Variants in ZXDC observed in about 807,000 individuals in gnomAD.
ZXDC encodes the protein zinc finger protein ZXDC.
A neutral mutation model predicts 63.6 loss-of-function variants in ZXDC; 58 were observed. That is an observed-to-expected ratio of 0.91 (90% CI 0.74 to 1.13). The LOEUF (loss-of-function observed/expected upper bound fraction) is 1.13, where lower values mean the gene tolerates loss of function less well. Among genes scored for constraint, ZXDC ranks in the 50% most tolerant of loss-of-function variants. ZXDC has a pLI of 0.00. For synonymous variants in ZXDC, 561 were observed against 496.1 expected, an observed-to-expected ratio of 1.13 and a Z score of -1.74; for missense variants, 1,133 against 1,148.9, an observed-to-expected ratio of 0.99 and a Z score of 0.20.
At chr3:126,448,919 C>G (rs2107634366) in intron 7 of ZXDC, among the ~76,000 whole-genome samples, 1 of 152,368 alleles carries the variant, frequency 6.6e-6, no homozygotes, top group African/African-American at 2.4e-5. Flanking sequence ...AGTCAGACAG[C>G]AACGGCCAGC....
intron 6 of ZXDC, chr3:126,460,808 TG>T (rs1050512718): frequency 1.0e-6 from 1 of 984,436 alleles, no homozygotes. Context: ...CTGCAAAAGA[TG>T]TAACATTTTT....
chr3:126,444,334 C>T (rs1377218141), intron 7 of ZXDC, among the ~76,000 whole-genome samples: 3 of 152,170 alleles, frequency 2.0e-5, no homozygotes, highest in African/African-American at 4.8e-5. Context: ...AGATCGAGAC[C>T]ATCCTGGCTA....
intron 1 of ZXDC, among the ~76,000 whole-genome samples, chr3:126,472,722 G>A (rs993710694): frequency 6.6e-6 from 1 of 152,180 alleles, no homozygotes; most frequent in Non-Finnish European, 1.5e-5. Flanking sequence ...CTACTAGCCA[G>A]GATTTTTCAC....
intron 7 of ZXDC, chr3:126,453,916 T>A: frequency 1.0e-6 from 1 of 985,028 alleles, no homozygotes; most frequent in Non-Finnish European, 1.2e-6. Context: ...GTTTTCCAAG[T>A]AATTTTTACT....
At chr3:126,447,579 G>C (rs557773178) in intron 7 of ZXDC, among the ~76,000 whole-genome samples, 1 of 152,032 alleles carries the variant, frequency 6.6e-6, no homozygotes, top group South Asian at 2.1e-4. Flanking sequence ...AATAGATTGC[G>C]CCAATGGTTT....
chr3:126,475,142 C>G lies in ZXDC; in HGVS notation c.724G>C (p.Val242Leu). 1 of 1,609,232 alleles carries G rather than the reference C, an allele frequency of 6.2e-7. No individual in the cohort carries two copies. The highest frequency in any genetic ancestry group is 8.5e-7 in the Non-Finnish European group (1 of 1,177,852). The change falls in exon 1 of 10, where the codon GTG becomes CTG. Residue 242 changes from valine (V) to leucine (L), a missense_variant. Transcript: ENST00000389709. ...GTGAACTTCTTGCCACAGCCGCCCA[C>G]TGGACAGCCGAAGGGCCGCAGCTTG... Reference protein sequence around the residue: ...HDKLRPFGCPVGGCGKKFTTV... With the variant: ...HDKLRPFGCPLGGCGKKFTTV...
At chr3:126,442,468 A>T (rs1159001104) in intron 7 of ZXDC, 1 of 152,216 alleles carries the variant, frequency 6.6e-6, no homozygotes, top group African/African-American at 2.4e-5. Context: ...AAAAAGAAAA[A>T]ATCTTAACAC....
At chr3:126,451,753 G>A in intron 7 of ZXDC, 1 of 985,358 alleles carries the variant, frequency 1.0e-6, no homozygotes, top group African/African-American at 1.7e-5. Flanking sequence ...GCTGTTACTG[G>A]TGATCTGGAA....
At chr3:126,439,027 C>T (rs1933570033) in intron 9 of ZXDC, among the ~76,000 whole-genome samples, 2 of 152,226 alleles carry the variant, frequency 1.3e-5, no homozygotes, top group African/African-American at 2.4e-5. Context: ...TGCTGCCAAA[C>T]CGCCCTCCAG....
At position 126,439,847 on chromosome 3, in the gene ZXDC, T is replaced by C; in HGVS notation, c.2395-120A>G. 2.8e-6 allele frequency: 4 copies of C among 1,450,022 alleles called. No individual in the cohort carries two copies. In the South Asian group the frequency reaches 5.8e-5, roughly 21 times the overall value. 89.8% of individuals were successfully genotyped at this position (1,450,022 alleles called of 1,614,324 possible). A position where few individuals can be genotyped will look rare whatever the true frequency, so the allele number is the denominator to read the frequency against. ...TGGCAGAACCAGCCCACCCCCTGTA[T>C]TCCAAGGGAGGCCCGAGGACCCAGC... On this transcript the variant is annotated intron_variant, in intron 8 of 9. Coordinates refer to ENST00000389709, the MANE Select transcript of ZXDC (RefSeq NM_025112.5).
At chr3:126,465,628 T>A (rs961790379) in intron 5 of ZXDC, among the ~76,000 whole-genome samples, 1 of 152,078 alleles carries the variant, frequency 6.6e-6, no homozygotes, top group Admixed American at 6.5e-5. Flanking sequence ...GTCAACAAAG[T>A]GAAACATTCT....
At position 126,459,662 on chromosome 3, in the gene ZXDC, T is replaced by TC. The variant is rs1560098170; in HGVS notation, c.2202dup (p.Ser735GlufsTer66). 2 of 1,614,178 alleles carry TC rather than the reference T, an allele frequency of 1.2e-6. No individual in the cohort carries two copies. The highest frequency in any genetic ancestry group is 1.7e-6 in the Non-Finnish European group (2 of 1,180,038). On this transcript the variant is annotated frameshift_variant, in exon 7 of 10. Coordinates refer to ENST00000389709, the MANE Select transcript of ZXDC (RefSeq NM_025112.5). LOFTEE classifies it high-confidence loss of function. ...GCACACACGGCCTCACCTGCATTGC[T>TC]CCCCGCTCCTCTCTGCTTTTTTTCC...
intron 9 of ZXDC, among the ~76,000 whole-genome samples, chr3:126,439,429 C>T (rs149753554): frequency 1.3e-5 from 2 of 152,334 alleles, no homozygotes; most frequent in East Asian, 3.9e-4. Context: ...TGTCTACCAG[C>T]AGGAGCTGCA....
intron 7 of ZXDC, among the ~76,000 whole-genome samples, chr3:126,447,062 C>T (rs1402087892): frequency 1.3e-5 from 2 of 152,202 alleles, no homozygotes; most frequent in Non-Finnish European, 2.9e-5. Flanking sequence ...TGCAGGGGCA[C>T]TCTCTCCTCC....
chr3:126,473,064 G>A (rs1935039038), intron 1 of ZXDC, among the ~76,000 whole-genome samples: 1 of 152,158 alleles, frequency 6.6e-6, no homozygotes, highest in South Asian at 2.1e-4. Context: ...CCACACAGAT[G>A]TACATGGCAT....
chr3:126,469,546 C>A (rs908797870), intron 4 of ZXDC, among the ~76,000 whole-genome samples: 3 of 152,212 alleles, frequency 2.0e-5, no homozygotes, highest in African/African-American at 7.2e-5. Context: ...GCCATCCCAC[C>A]TCCCCACACC....
Position 126,475,563 on chromosome 3 carries a change from A to G in ZXDC, c.303T>C (p.Arg101=). 2 of 1,416,568 alleles carry G rather than the reference A, an allele frequency of 1.4e-6. No individual in the cohort carries two copies. Among genetic ancestry groups the G allele is most frequent in the Non-Finnish European group, 1.8e-6 (2 of 1,081,204 alleles). The allele number at this position is 1,416,568 out of a possible 1,614,324, so 87.7% of individuals were successfully genotyped here. ...GCTCGGGGCGGCTCGCCAGGTTGACACGGGAGCCAGGCTCGGCCTCCTGTG... is the reference window on the plus strand; with the variant it reads ...GCTCGGGGCGGCTCGCCAGGTTGACGCGGGAGCCAGGCTCGGCCTCCTGTG... ...AGSQEAEPGS[R]VNLASRPEQG... Residue 101 remains arginine, a synonymous_variant, in exon 1 of 10, where the codon CGT becomes CGC. Transcript: ENST00000389709.
chr3:126,438,364 C>G lies in ZXDC; in HGVS notation c.*11G>C. 1 of 1,608,886 alleles carries G rather than the reference C, an allele frequency of 6.2e-7. No individual in the cohort carries two copies. The highest frequency in any genetic ancestry group is 8.5e-7 in the Non-Finnish European group (1 of 1,177,724). On this transcript the variant is annotated 3_prime_UTR_variant, in exon 10 of 10. Transcript: ENST00000389709. ...ACCGTGGCCTTGGGCCTGCCCAGGC[C>G]GAGGCTGCCGTCACTGCAGATCCTG...
chr3:126,466,106 G>A (rs780322117), intron 5 of ZXDC, 49 bp downstream of exon 5: 11 of 1,575,788 alleles, frequency 7.0e-6, no homozygotes, highest in East Asian at 2.3e-5. Flanking sequence ...CACTGTTCCC[G>A]TTTCTCACAG....
Sources: gnomAD v4.1 joint callset for allele counts (sites outside exome capture counted in the v4.1 genomes callset) on GRCh38, gnomAD v4.1.1 for gene constraint, MANE v1.5 for transcripts, NCBI Gene and HGNC (gene_info 2026-07-23, HGNC 2026-07-21) for gene names.